SRBD1: variants seen among roughly 807,000 people sequenced by gnomAD.
SRBD1 encodes S1 RNA-binding domain-containing protein 1.
SRBD1 carries 88 observed loss-of-function variants against 115.3 expected under a neutral mutation model. The ratio of observed to expected loss-of-function variants is 0.76; its 90% CI spans 0.64 to 0.91. The LOEUF (loss-of-function observed/expected upper bound fraction) is 0.91, where lower values mean the gene tolerates loss of function less well. SRBD1 is among the 40% of genes least tolerant of loss of function. The probability of loss-of-function intolerance (pLI) is 0.00; values close to 1 mark genes in which losing one functional copy is unlikely to be tolerated. For synonymous variants in SRBD1, 509 were observed against 407.7 expected, an observed-to-expected ratio of 1.25 and a Z score of -2.99; for missense variants, 1,385 against 1,177.4, an observed-to-expected ratio of 1.18 and a Z score of -2.58.
intron 14 of SRBD1, among the ~76,000 whole-genome samples, chr2:45,489,468 C>G (rs1670227160): frequency 6.6e-6 from 1 of 152,138 alleles, no homozygotes; most frequent in Admixed American, 6.5e-5. Flanking sequence ...CAAATGTAAG[C>G]CACCACAACT....
intron 14 of SRBD1, among the ~76,000 whole-genome samples, chr2:45,503,013 C>T (rs865800225): frequency 6.6e-6 from 1 of 152,122 alleles, no homozygotes; most frequent in African/African-American, 2.4e-5. Context: ...GAAGTCTAGG[C>T]CCACACTCTG....
chr2:45,488,095 T>G, intron 15 of SRBD1, 145 bp downstream of exon 15: 2 of 675,174 alleles, frequency 3.0e-6, no homozygotes, highest in Non-Finnish European at 5.1e-6. Flanking sequence ...TTAGTCCAAT[T>G]AACCACTTTC....
At chr2:45,416,408 T>C (rs1667833630) in intron 18 of SRBD1, among the ~76,000 whole-genome samples, 1 of 152,184 alleles carries the variant, frequency 6.6e-6, no homozygotes, top group Non-Finnish European at 1.5e-5. Flanking sequence ...AAGTACCTAA[T>C]TATCAGCTGG....
At chr2:45,447,767 G>A (rs978047795) in intron 16 of SRBD1, 1 of 152,112 alleles carries the variant, frequency 6.6e-6, no homozygotes, top group East Asian at 1.9e-4. Context: ...TTATATTCCT[G>A]AATATGTTAC....
intron 16 of SRBD1, among the ~76,000 whole-genome samples, chr2:45,454,173 C>T (rs1225163171): frequency 6.6e-6 from 1 of 151,710 alleles, no homozygotes; most frequent in Non-Finnish European, 1.5e-5. Context: ...CCCTATCTTG[C>T]CTAAGATTTT....
intron 18 of SRBD1, among the ~76,000 whole-genome samples, chr2:45,414,815 T>TGTGTATATAGTATGTACACACAC (rs1667750424): frequency 3.4e-5 from 1 of 28,990 alleles, no homozygotes. Context: ...TACACACACA[T>TGTGTATATAGTATGTACACACAC]ATAGTGTGTA....
chr2:45,576,843 G>A (rs960511579), intron 7 of SRBD1, among the ~76,000 whole-genome samples: 5 of 152,126 alleles, frequency 3.3e-5, no homozygotes, highest in Non-Finnish European at 5.9e-5. Flanking sequence ...GAGGACAGAA[G>A]AAATTATAGA....
intron 18 of SRBD1, among the ~76,000 whole-genome samples, chr2:45,414,806 A>G (rs961774043): frequency 7.2e-6 from 1 of 138,492 alleles, no homozygotes; most frequent in Non-Finnish European, 1.6e-5. Flanking sequence ...TATAGTATGT[A>G]CACACACATA....
At chr2:45,608,581 G>A (rs78332420) in intron 1 of SRBD1, among the ~76,000 whole-genome samples, 6 of 151,904 alleles carry the variant, frequency 3.9e-5, no homozygotes, top group African/African-American at 1.5e-4. Flanking sequence ...TTTACATACC[G>A]ATGTCACCTA....
At chr2:45,390,364 G>C (rs1273545790) in intron 20 of SRBD1, among the ~76,000 whole-genome samples, 3 of 151,730 alleles carry the variant, frequency 2.0e-5, no homozygotes. Context: ...CTTTTTTCTT[G>C]CTCACCCCAG....
intron 14 of SRBD1, among the ~76,000 whole-genome samples, chr2:45,503,752 A>G (rs1670711749): frequency 6.6e-6 from 1 of 152,186 alleles, no homozygotes; most frequent in Non-Finnish European, 1.5e-5. Context: ...AAGGTTATTC[A>G]TTTCCAAGGT....
At chr2:45,543,374 A>C (rs927811564) in intron 14 of SRBD1, among the ~76,000 whole-genome samples, 3 of 152,240 alleles carry the variant, frequency 2.0e-5, no homozygotes, top group Non-Finnish European at 4.4e-5. Flanking sequence ...CCTGGGGTTT[A>C]TGAATTAGGA....
intron 7 of SRBD1, among the ~76,000 whole-genome samples, chr2:45,577,857 T>C (rs138629408): frequency 6.6e-6 from 1 of 152,256 alleles, no homozygotes; most frequent in African/African-American, 2.4e-5. Flanking sequence ...TATATAGACT[T>C]ACTAATAATA....
rs77745294 is a variant in SRBD1 at position 45,422,138 on chromosome 2, G to A, written c.2050-2244C>T. On this transcript the variant is annotated intron_variant, in intron 16 of 20. Transcript: ENST00000263736. ...CAAAACTACAAACAAACCGGAAAAA[G>A]GAAGAATAATCGTTAAGAGCCATTA... Among the ~76,000 whole-genome samples, 1,161 of 152,148 alleles carry A rather than the reference G, an allele frequency of 7.6e-3. 15 individuals carry two copies. Among genetic ancestry groups the A allele is most frequent in the African/African-American group, 0.027 (1,113 of 41,464 alleles).
intron 5 of SRBD1, among the ~76,000 whole-genome samples, chr2:45,584,630 T>C (rs555068555): frequency 6.6e-6 from 1 of 152,334 alleles, no homozygotes; most frequent in South Asian, 2.1e-4. Context: ...TTGAAGAATG[T>C]ACACATTAAC....
chr2:45,517,441 G>A (rs1490889409), intron 14 of SRBD1, among the ~76,000 whole-genome samples: 1 of 152,176 alleles, frequency 6.6e-6, no homozygotes, highest in Non-Finnish European at 1.5e-5. Context: ...GCAACTAAAA[G>A]CAGAAAAAAC....
rs899266890 is a variant in SRBD1, at chr2:45,428,487, C to T, written c.2050-8593G>A. On this transcript the variant is annotated intron_variant, in intron 16 of 20. Transcript: ENST00000263736. The stretch of plus-strand genomic sequence containing the variant: ...AATGGCGTGAACCCGGGAGGCGGAG[C>T]TTGCAGTGAGCCGAGACTGCGCCAC... 2.6e-5 allele frequency among the ~76,000 whole-genome samples: 4 copies of T among 151,968 alleles called. No individual in the cohort carries two copies. The South Asian group carries it at 8.3e-4, about 32-fold the overall frequency.
At chr2:45,590,097 C>G (rs1673670869) in intron 4 of SRBD1, among the ~76,000 whole-genome samples, 1 of 152,214 alleles carries the variant, frequency 6.6e-6, no homozygotes, top group African/African-American at 2.4e-5. Flanking sequence ...TGATGAGAAA[C>G]CAATGCACAT....
At chr2:45,405,705 C>T (rs903801414) in intron 19 of SRBD1, among the ~76,000 whole-genome samples, 2 of 152,010 alleles carry the variant, frequency 1.3e-5, no homozygotes, top group Non-Finnish European at 2.9e-5. Flanking sequence ...ACATAAAAGT[C>T]ATGGTAGAAG....
Sources: allele counts gnomAD v4.1 joint callset (sites outside exome capture counted in the v4.1 genomes callset), GRCh38; gene constraint gnomAD v4.1.1; transcripts MANE v1.5; gene names NCBI Gene and HGNC (gene_info 2026-07-23, HGNC 2026-07-21).